The following NAA50 variants were observed in gnomAD, a reference collection of about 807,000 sequenced individuals.
NAA50 encodes N-alpha-acetyltransferase 50, NatE catalytic subunit, also known as N-alpha-acetyltransferase 50.
NAA50 carries 7 observed loss-of-function variants against 20.7 expected under a neutral mutation model. That is an observed-to-expected ratio of 0.34 (90% CI 0.19 to 0.63). NAA50 has a LOEUF of 0.63. NAA50 is among the 30% of genes least tolerant of loss of function. The pLI, the probability that NAA50 is intolerant of heterozygous loss-of-function variation, is 0.75. For synonymous variants in NAA50, 54 were observed against 70.6 expected, an observed-to-expected ratio of 0.77 and a Z score of 1.18; for missense variants, 111 against 199.1, an observed-to-expected ratio of 0.56 and a Z score of 2.66.
intron 1 of NAA50, among the ~76,000 whole-genome samples, chr3:113,732,432 C>T (rs1708283445): frequency 6.6e-6 from 1 of 152,102 alleles, no homozygotes; most frequent in Non-Finnish European, 1.5e-5. Flanking sequence ...TTAAAAATTA[C>T]CACAAACTCA....
intron 1 of NAA50, among the ~76,000 whole-genome samples, chr3:113,742,316 T>C (rs899723757): frequency 1.3e-5 from 2 of 152,082 alleles, no homozygotes; most frequent in African/African-American, 4.8e-5. Flanking sequence ...GGCTGAAATA[T>C]AGTGACAAGA....
chr3:113,741,032 C>T (rs1708407039), intron 1 of NAA50: 4 of 481,646 alleles, frequency 8.3e-6, no homozygotes, highest in Non-Finnish European at 1.7e-5. Context: ...TTTTCTAATC[C>T]CTTCTTCAGT....
intron 1 of NAA50, among the ~76,000 whole-genome samples, chr3:113,727,608 TA>T (rs1432134417): frequency 1.3e-5 from 2 of 149,320 alleles, no homozygotes; most frequent in African/African-American, 4.9e-5. Context: ...AATCTTCCCC[TA>T]ACTAATTAAA....
chr3:113,727,303 A>G (rs896362549), intron 1 of NAA50, among the ~76,000 whole-genome samples: 1 of 152,254 alleles, frequency 6.6e-6, no homozygotes, highest in Non-Finnish European at 1.5e-5. Flanking sequence ...ATCAACAATA[A>G]TAGTAACTTA....
intron 1 of NAA50, among the ~76,000 whole-genome samples, chr3:113,728,288 AG>A (rs1232435338): frequency 6.6e-6 from 1 of 152,232 alleles, no homozygotes; most frequent in Non-Finnish European, 1.5e-5. Flanking sequence ...TGAACATAAT[AG>A]AGTTGCCTAA....
chr3:113,738,796 T>A (rs919076553), intron 1 of NAA50, among the ~76,000 whole-genome samples: 8 of 152,224 alleles, frequency 5.3e-5, no homozygotes, highest in African/African-American at 1.9e-4. Flanking sequence ...CCTTTAAATA[T>A]ACCCTAATTT....
chr3:113,743,150 A>G (rs955901039), intron 1 of NAA50, among the ~76,000 whole-genome samples: 22 of 152,226 alleles, frequency 1.4e-4, no homozygotes, highest in Non-Finnish European at 2.1e-4. Flanking sequence ...AATACAATGG[A>G]AAGTCCTACT....
chr3:113,744,676 T>C (rs1708465340), intron 1 of NAA50, among the ~76,000 whole-genome samples: 1 of 152,224 alleles, frequency 6.6e-6, no homozygotes, highest in Admixed American at 6.5e-5. Flanking sequence ...CTGTGAATAG[T>C]TCATGGTTCT....
At chr3:113,740,872 T>C in intron 1 of NAA50, 1 of 330,208 alleles carries the variant, frequency 3.0e-6, no homozygotes, top group Non-Finnish European at 6.0e-6. Flanking sequence ...CTTCCCCACA[T>C]AGGCAATATC....
rs536316802 is a variant in NAA50, at chr3:113,735,643, G to A, written c.8+10299C>T. Among the ~76,000 whole-genome samples, 6 of 152,316 alleles carry A rather than the reference G, an allele frequency of 3.9e-5. No homozygotes were observed. The South Asian group carries it at 1.2e-3, about 32-fold the overall frequency. ...TAAGACACAAATTGCCAGCCTAAGAGTTAAATCAGCCATGTGGTCACAACT... is the reference window on the plus strand; with the variant it reads ...TAAGACACAAATTGCCAGCCTAAGAATTAAATCAGCCATGTGGTCACAACT... On this transcript the variant is annotated intron_variant, in intron 1 of 4. Coordinates refer to ENST00000240922, the MANE Select transcript of NAA50 (RefSeq NM_025146.4).
At chr3:113,735,809 G>A (rs754904608) in intron 1 of NAA50, among the ~76,000 whole-genome samples, 4 of 152,154 alleles carry the variant, frequency 2.6e-5, no homozygotes, top group Non-Finnish European at 4.4e-5. Flanking sequence ...TCAGCCTACC[G>A]AGTAGCTGGG....
chr3:113,743,207 A>G (rs569134866), intron 1 of NAA50, among the ~76,000 whole-genome samples: 1 of 152,352 alleles, frequency 6.6e-6, no homozygotes, highest in East Asian at 1.9e-4. Context: ...AAGAAAAACC[A>G]GCTAAGTTTT....
At position 113,741,340 on chromosome 3, in the gene NAA50, C is replaced by T. The variant is rs9815242; in HGVS notation, c.8+4602G>A. Reference sequence around the variant, plus strand: ...CCAACTGTAGCTAGTCACGACTGTACTAGACAGAACAATAAAATTGTGCCA... The same window carrying T: ...CCAACTGTAGCTAGTCACGACTGTATTAGACAGAACAATAAAATTGTGCCA... On this transcript the variant is annotated intron_variant, in intron 1 of 4. Coordinates refer to ENST00000240922, the MANE Select transcript of NAA50 (RefSeq NM_025146.4). 19 of 249,740 alleles carry T rather than the reference C, an allele frequency of 7.6e-5. No individual in the cohort carries two copies. The East Asian group carries it at 2.0e-3, about 27-fold the overall frequency. The allele number at this position is 249,740 out of a possible 1,614,324, so 15.5% of individuals were successfully genotyped here.
intron 1 of NAA50, among the ~76,000 whole-genome samples, chr3:113,745,520 G>C (rs1708480555): frequency 6.6e-6 from 1 of 152,190 alleles, no homozygotes; most frequent in Admixed American, 6.5e-5. Flanking sequence ...TAAACTGAAA[G>C]GTGTCAAACA....
At chr3:113,744,605 C>A (rs773823248) in intron 1 of NAA50, among the ~76,000 whole-genome samples, 1 of 152,160 alleles carries the variant, frequency 6.6e-6, no homozygotes, top group Non-Finnish European at 1.5e-5. Context: ...ACTTCCTATA[C>A]CCGTCAATTA....
intron 1 of NAA50, among the ~76,000 whole-genome samples, chr3:113,741,697 G>C (rs578145030): frequency 2.0e-5 from 3 of 152,296 alleles, no homozygotes; most frequent in South Asian, 2.1e-4. Flanking sequence ...ATGAGTGCTT[G>C]GACTACTAAG....
At chr3:113,737,559 TTG>T (rs1708360385) in intron 1 of NAA50, among the ~76,000 whole-genome samples, 1 of 152,238 alleles carries the variant, frequency 6.6e-6, no homozygotes, top group African/African-American at 2.4e-5. Context: ...ACATTTATTC[TTG>T]TATCTTACCT....
chr3:113,731,033 A>G (rs1708265523), intron 1 of NAA50, among the ~76,000 whole-genome samples: 1 of 152,210 alleles, frequency 6.6e-6, no homozygotes, highest in Admixed American at 6.5e-5. Context: ...AATTTATGCT[A>G]ACAGGTATGT....
intron 1 of NAA50, among the ~76,000 whole-genome samples, chr3:113,741,434 T>A (rs992730498): frequency 2.0e-5 from 3 of 150,844 alleles, no homozygotes; most frequent in African/African-American, 7.3e-5. Flanking sequence ...TGTCTACTGG[T>A]TACTACTGGT....
Sources: allele counts gnomAD v4.1 joint callset (sites outside exome capture counted in the v4.1 genomes callset), GRCh38; gene constraint gnomAD v4.1.1; transcripts MANE v1.5; gene names NCBI Gene and HGNC (gene_info 2026-07-23, HGNC 2026-07-21).